The following PMS1 variants were observed in gnomAD, a reference collection of about 807,000 sequenced individuals.
PMS1 encodes the protein PMS1 homolog 1, mismatch repair system component.
In PMS1, 79 loss-of-function variants were observed where a neutral mutation model predicts 93.1. The ratio of observed to expected loss-of-function variants is 0.85; its 90% CI spans 0.71 to 1.02. PMS1 has a LOEUF of 1.02. PMS1 is among the 50% of genes least tolerant of loss of function. The probability of loss-of-function intolerance (pLI) is 0.00; values close to 1 mark genes in which losing one functional copy is unlikely to be tolerated. For missense variants in PMS1, 1,064 were observed against 1,085.3 expected (o/e 0.98, Z 0.28); for synonymous variants, 335 against 363.4 (o/e 0.92, Z 0.89).
At chr2:189,821,088 A>C (rs1428396069) in intron 5 of PMS1, among the ~76,000 whole-genome samples, 1 of 152,168 alleles carries the variant, frequency 6.6e-6, no homozygotes, top group Non-Finnish European at 1.5e-5. Context: ...CAACATCAGA[A>C]GGAACATAAT....
At position 189,864,121 on chromosome 2, in the gene PMS1, G is replaced by T. The variant is rs1200062574; in HGVS notation, c.2235G>T (p.Met745Ile). The T allele has an allele frequency of 6.2e-7, 1 of 1,613,234 alleles. No homozygotes were observed. The highest frequency in any genetic ancestry group is 1.7e-5 in the Admixed American group (1 of 59,976). ...AWLMTSKTEVMLLNPYRVEEA... is the reference protein window; with the variant it reads ...AWLMTSKTEVILLNPYRVEEA... ...TAATGACATCCAAAACAGAGGTAAT[G>T]TTATTAAATCCATATAGAGTAGAAG... The change falls in exon 10 of 13, where the codon ATG (methionine) becomes ATT (isoleucine). Residue 745 changes from methionine to isoleucine, a missense_variant. By Grantham distance (10) the Met-to-Ile change is conservative (BLOSUM62 1). Coordinates refer to ENST00000441310, the MANE Select transcript of PMS1 (RefSeq NM_000534.5).
At chr2:189,855,446 T>G (rs1447204491) in intron 9 of PMS1, among the ~76,000 whole-genome samples, 1 of 151,970 alleles carries the variant, frequency 6.6e-6, no homozygotes, top group African/African-American at 2.4e-5. Context: ...CTATTTTTTT[T>G]TTGTTTTATG....
At chr2:189,841,803 A>ATTGTTTTT (rs2106406622) in intron 5 of PMS1, among the ~76,000 whole-genome samples, 1 of 152,320 alleles carries the variant, frequency 6.6e-6, no homozygotes, top group African/African-American at 2.4e-5. Flanking sequence ...GCAACTTCAC[A>ATTGTTTTT]CATGTAGAAT....
intron 10 of PMS1, 122 bp downstream of exon 10, chr2:189,864,350 T>C: frequency 1.2e-6 from 1 of 809,804 alleles, no homozygotes. Context: ...TTTATTTATT[T>C]TAATCTTTTA....
At chr2:189,829,103 A>G (rs1390968098) in intron 5 of PMS1, among the ~76,000 whole-genome samples, 2 of 152,160 alleles carry the variant, frequency 1.3e-5, no homozygotes, top group Non-Finnish European at 2.9e-5. Context: ...TACAGTTCAC[A>G]TATCTTAATT....
chr2:189,867,718 G>A, intron 10 of PMS1, 81 bp from the exon 11 acceptor site: 1 of 952,098 alleles, frequency 1.1e-6, no homozygotes, highest in Non-Finnish European at 1.7e-6. Flanking sequence ...ACTTGTCAAA[G>A]GGCCCTAGGA....
intron 4 of PMS1, among the ~76,000 whole-genome samples, chr2:189,814,897 A>T (rs1176660645): frequency 6.6e-6 from 1 of 152,078 alleles, no homozygotes; most frequent in Non-Finnish European, 1.5e-5. Context: ...GGAGATCGAG[A>T]CCATCCTGGC....
At chr2:189,875,649 G>A (rs535806855) in intron 12 of PMS1, among the ~76,000 whole-genome samples, 2 of 152,094 alleles carry the variant, frequency 1.3e-5, no homozygotes, top group African/African-American at 4.8e-5. Flanking sequence ...GTGGAAGACT[G>A]ACAATAAAAA....
chr2:189,798,956 T>G (rs188707512), intron 3 of PMS1, among the ~76,000 whole-genome samples: 1 of 152,290 alleles, frequency 6.6e-6, no homozygotes, highest in Admixed American at 6.5e-5. Context: ...TAGAAATAGG[T>G]TTCACATGAG....
chr2:189,862,495 T>C (rs1302312131), intron 9 of PMS1, among the ~76,000 whole-genome samples: 3 of 152,228 alleles, frequency 2.0e-5, no homozygotes, highest in East Asian at 3.8e-4. Context: ...CTTTTTCTTT[T>C]GACCATGACT....
intron 6 of PMS1, among the ~76,000 whole-genome samples, chr2:189,847,306 A>T (rs1050653545): frequency 3.3e-5 from 5 of 152,078 alleles, no homozygotes; most frequent in Middle Eastern, 3.4e-3. Context: ...CAGGTTATAT[A>T]CTTCCATCCA....
intron 6 of PMS1, among the ~76,000 whole-genome samples, chr2:189,849,684 C>T (rs2054535339): frequency 6.6e-6 from 1 of 151,930 alleles, no homozygotes; most frequent in African/African-American, 2.4e-5. Context: ...GCAGATAATT[C>T]ACTCGCCAGC....
chr2:189,789,492 A>G (rs538013080), intron 1 of PMS1, among the ~76,000 whole-genome samples: 1 of 152,262 alleles, frequency 6.6e-6, no homozygotes, highest in African/African-American at 2.4e-5. Flanking sequence ...ATAGCAAAAT[A>G]TACTGTATTT....
intron 11 of PMS1, among the ~76,000 whole-genome samples, chr2:189,868,530 C>T (rs1397336170): frequency 6.6e-6 from 1 of 152,164 alleles, no homozygotes; most frequent in East Asian, 1.9e-4. Context: ...AGTTTCCATA[C>T]TCAACTGCCT....
intron 2 of PMS1, among the ~76,000 whole-genome samples, chr2:189,794,147 C>T (rs1467647182): frequency 6.6e-6 from 1 of 152,174 alleles, no homozygotes; most frequent in Non-Finnish European, 1.5e-5. Context: ...CAGTCTCATT[C>T]TGTTGCCCAT....
intron 5 of PMS1, among the ~76,000 whole-genome samples, chr2:189,829,930 T>C (rs1323827084): frequency 1.3e-5 from 2 of 152,210 alleles, no homozygotes; most frequent in Non-Finnish European, 2.9e-5. Context: ...TCTCCCTGCT[T>C]ACTTCTTATC....
chr2:189,787,171 A>G (rs2048423838), intron 1 of PMS1, among the ~76,000 whole-genome samples: 1 of 152,220 alleles, frequency 6.6e-6, no homozygotes, highest in Non-Finnish European at 1.5e-5. Flanking sequence ...GTAAGGCCCT[A>G]AAGTCCAGAA....
chr2:189,872,822 G>A (rs1449922774), intron 11 of PMS1, among the ~76,000 whole-genome samples: 1 of 152,028 alleles, frequency 6.6e-6, no homozygotes, highest in Admixed American at 6.6e-5. Flanking sequence ...TTTTGGTAGA[G>A]ACAGGGTCTC....
At chr2:189,808,614 A>G (rs1366797403) in intron 4 of PMS1, among the ~76,000 whole-genome samples, 2 of 152,200 alleles carry the variant, frequency 1.3e-5, no homozygotes, top group Non-Finnish European at 2.9e-5. Context: ...TATAGGCGTG[A>G]GCCACTGTGC....
Sources: gnomAD v4.1 joint callset for allele counts (sites outside exome capture counted in the v4.1 genomes callset) on GRCh38, gnomAD v4.1.1 for gene constraint, MANE v1.5 for transcripts, NCBI Gene and HGNC (gene_info 2026-07-23, HGNC 2026-07-21) for gene names.